Variants in PTGER3 observed in about 807,000 individuals in gnomAD.
PTGER3 encodes prostaglandin E2 receptor EP3 subtype.
A neutral mutation model predicts 34.7 loss-of-function variants in PTGER3; 22 were observed. The ratio of observed to expected loss-of-function variants is 0.63; its 90% CI spans 0.45 to 0.91. PTGER3 has a LOEUF of 0.91. PTGER3 is among the 40% of genes least tolerant of loss of function. The probability of loss-of-function intolerance (pLI) is 0.00; values close to 1 mark genes in which losing one functional copy is unlikely to be tolerated. For synonymous variants in PTGER3, 241 were observed against 230.1 expected (o/e 1.05, Z -0.43); for missense variants, 468 against 519.4 (o/e 0.90, Z 0.96).
At chr1:70,946,437 C>T (rs1036978073) in intron 4 of PTGER3, among the ~76,000 whole-genome samples, 8 of 152,126 alleles carry the variant, frequency 5.3e-5, no homozygotes, top group African/African-American at 1.4e-4. Flanking sequence ...CTTGGTTCTA[C>T]AGTGCGTGCT....
intron 4 of PTGER3, among the ~76,000 whole-genome samples, chr1:70,853,189 A>C (rs771766009): frequency 4.6e-5 from 7 of 152,244 alleles, no homozygotes; most frequent in Non-Finnish European, 7.3e-5. Flanking sequence ...AAAAGTCCTC[A>C]GAATCTTCCA....
chr1:71,021,077 C>G (rs1197171719), intron 1 of PTGER3, among the ~76,000 whole-genome samples: 1 of 151,988 alleles, frequency 6.6e-6, no homozygotes, highest in African/African-American at 2.4e-5. Context: ...CAAAAAAATG[C>G]TTAGGGGAAT....
At chr1:71,013,015 T>C (rs1268473696) in intron 1 of PTGER3, among the ~76,000 whole-genome samples, 1 of 152,168 alleles carries the variant, frequency 6.6e-6, no homozygotes, top group South Asian at 2.1e-4. Flanking sequence ...CATATGCATT[T>C]AATAAACAGC....
intron 4 of PTGER3, among the ~76,000 whole-genome samples, chr1:70,905,302 C>T (rs1646921696): frequency 6.6e-6 from 1 of 152,092 alleles, no homozygotes; most frequent in South Asian, 2.1e-4. Flanking sequence ...CACACAGTGT[C>T]CCTACTGGGA....
At chr1:70,953,808 A>C (rs1039247509) in intron 2 of PTGER3, 5 of 1,239,280 alleles carry the variant, frequency 4.0e-6, no homozygotes, top group Non-Finnish European at 4.4e-6. Flanking sequence ...GAGTAATAAC[A>C]GTATAAGCTT....
At chr1:71,027,551 C>G (rs530261490) in intron 1 of PTGER3, among the ~76,000 whole-genome samples, 2 of 152,292 alleles carry the variant, frequency 1.3e-5, no homozygotes, top group Admixed American at 1.3e-4. Flanking sequence ...GTTCCCCAAC[C>G]CATTTAACCA....
chr1:70,859,786 A>T (rs1433069688), intron 4 of PTGER3, among the ~76,000 whole-genome samples: 1 of 152,196 alleles, frequency 6.6e-6, no homozygotes, highest in African/African-American at 2.4e-5. Context: ...CACATGAGAA[A>T]CTGAGCCTTA....
At chr1:70,965,775 T>G (rs1404569062) in intron 2 of PTGER3, among the ~76,000 whole-genome samples, 1 of 152,184 alleles carries the variant, frequency 6.6e-6, no homozygotes, top group Non-Finnish European at 1.5e-5. Context: ...TTTTGCTTTA[T>G]CCTGTATTTT....
rs140322473 is a variant in PTGER3 at position 71,015,205 on chromosome 1, T to TTG, written c.898-2723_898-2722dup. On this transcript the variant is annotated intron_variant, in intron 1 of 3. Transcript: ENST00000306666. ...ACCACTGGCCTCTGAAGGCCTACAA[T>TTG]TGTGTGTGTGTGTGTGTGATATAAC... 2.8e-3 allele frequency among the ~76,000 whole-genome samples: 422 copies of TTG among 151,190 alleles called. 1 individual carries two copies. Among genetic ancestry groups the TTG allele is most frequent in the African/African-American group, 8.0e-3 (329 of 41,276 alleles).
chr1:70,879,430 A>G (rs1450330109), intron 4 of PTGER3, among the ~76,000 whole-genome samples: 1 of 152,038 alleles, frequency 6.6e-6, no homozygotes, highest in African/African-American at 2.4e-5. Flanking sequence ...TATTTTTAGT[A>G]GAGATGGAGT....
At chr1:70,933,812 A>G (rs1446794386) in intron 4 of PTGER3, among the ~76,000 whole-genome samples, 3 of 152,110 alleles carry the variant, frequency 2.0e-5, no homozygotes, top group Non-Finnish European at 4.4e-5. Context: ...GGAAGGGGTA[A>G]TGGAAGTTTT....
rs563153932 is a variant in PTGER3 at position 70,910,788 on chromosome 1, A to G, written c.*23+42975T>C. 3.9e-5 allele frequency among the ~76,000 whole-genome samples: 6 copies of G among 152,320 alleles called. No homozygotes were observed. The South Asian group carries it at 8.3e-4, about 21-fold the overall frequency. ...TCAATGAGCCACGTTCTGGTTGTAA[A>G]ATTCTAATTAACCGGCCGGGGCCAT... is the stretch of plus-strand genomic sequence containing the variant. On this transcript the variant is annotated intron_variant, in intron 4 of 4. Coordinates refer to the PTGER3 transcript ENST00000370931.
intron 3 of PTGER3, among the ~76,000 whole-genome samples, chr1:70,974,035 T>G (rs565563953): frequency 1.3e-5 from 2 of 152,158 alleles, no homozygotes; most frequent in Non-Finnish European, 2.9e-5. Flanking sequence ...AATCAGTGAC[T>G]TACAGATTCT....
chr1:70,855,010 C>T (rs934479975), intron 4 of PTGER3, among the ~76,000 whole-genome samples: 13 of 152,130 alleles, frequency 8.5e-5, no homozygotes, highest in Admixed American at 5.2e-4. Flanking sequence ...CTCTTGATGA[C>T]GTATTTTCAT....
chr1:70,916,531 C>T (rs1163436548), intron 4 of PTGER3, among the ~76,000 whole-genome samples: 1 of 151,946 alleles, frequency 6.6e-6, no homozygotes, highest in Non-Finnish European at 1.5e-5. Flanking sequence ...ACATATATAC[C>T]ATAAGATACG....
intron 2 of PTGER3, chr1:71,006,855 G>A (rs1403636671): frequency 4.1e-6 from 4 of 985,276 alleles, no homozygotes; most frequent in Admixed American, 6.2e-5. Flanking sequence ...AAAACACAGC[G>A]ACATTTCAGA....
At chr1:70,891,540 AT>A (rs1646617972) in intron 4 of PTGER3, among the ~76,000 whole-genome samples, 1 of 152,092 alleles carries the variant, frequency 6.6e-6, no homozygotes, top group Non-Finnish European at 1.5e-5. Flanking sequence ...AAAAAGAAAA[AT>A]TTGTCCATTT....
chr1:70,928,178 T>C (rs896142563), intron 4 of PTGER3, among the ~76,000 whole-genome samples: 17 of 148,196 alleles, frequency 1.1e-4, no homozygotes, highest in African/African-American at 3.9e-4. Flanking sequence ...TAGACATATA[T>C]ATTTATAGAC....
At chr1:70,862,887 G>T (rs903845757) in intron 4 of PTGER3, among the ~76,000 whole-genome samples, 3 of 152,120 alleles carry the variant, frequency 2.0e-5, no homozygotes, top group African/African-American at 7.2e-5. Context: ...CTTAGCAGGA[G>T]GATGGCACAA....
Sources: gnomAD v4.1 joint callset for allele counts (sites outside exome capture counted in the v4.1 genomes callset) on GRCh38, gnomAD v4.1.1 for gene constraint, MANE v1.5 for transcripts, NCBI Gene and HGNC (gene_info 2026-07-23, HGNC 2026-07-21) for gene names.